Variants in KDM6A observed in about 807,000 individuals in gnomAD.
KDM6A encodes the protein lysine-specific demethylase 6A.
Under a neutral mutation model 117.6 loss-of-function variants are expected in KDM6A, and 11 were observed. That is an observed-to-expected ratio of 0.09 (90% CI 0.06 to 0.15). KDM6A has a LOEUF of 0.15. Among genes scored for constraint, KDM6A ranks in the 10% least tolerant of loss-of-function variants. KDM6A has a pLI of 1.00. For missense variants in KDM6A, 799 were observed against 1,077.3 expected (o/e 0.74, Z 3.62); for synonymous variants, 384 against 396.1 (o/e 0.97, Z 0.36).
intron 2 of KDM6A, among the ~76,000 whole-genome samples, chrX:44,907,543 C>T (rs1234059631): frequency 5.8e-5 from 6 of 103,034 alleles, no homozygotes; most frequent in Non-Finnish European, 1.2e-4. Flanking sequence ...TGCAGTGGCG[C>T]GATCCTGGCT....
chrX:44,997,223 T>C (rs1336627750), intron 4 of KDM6A, among the ~76,000 whole-genome samples: 1 of 112,517 alleles, frequency 8.9e-6, no homozygotes, highest in Non-Finnish European at 1.9e-5. Flanking sequence ...CTTGGTGTAC[T>C]GGAAGAATCG....
Position 45,083,605 on chromosome X carries a change from C to A in KDM6A, c.3586C>A (p.Pro1196Thr), listed in dbSNP as rs756365391. 2 of 1,204,018 alleles carry A rather than the reference C, an allele frequency of 1.7e-6. No homozygotes were observed. The highest frequency in any genetic ancestry group is 2.2e-6 in the Non-Finnish European group (2 of 888,978). Residue 1196 changes from proline (P) to threonine (T), a missense_variant, in exon 24 of 30, where the codon CCA becomes ACA. Around this residue, in one of 8 missense-constraint regions of KDM6A, gnomAD observed 291 missense variants for 437.9 expected, o/e 0.66. Coordinates refer to ENST00000611820, the MANE Select transcript of KDM6A (RefSeq NM_001291415.2). The stretch of plus-strand genomic sequence containing the variant: ...CATGAAAGTTCCAGGGAGCAGAACA[C>A]CAGGTAATTTGTATGAACTAACATA... ...LYMKVPGSRT[P>T]GHQENNNFCS...
chrX:45,007,555 C>T (rs1372379109), intron 4 of KDM6A, among the ~76,000 whole-genome samples: 1 of 111,686 alleles, frequency 9.0e-6, no homozygotes, highest in Non-Finnish European at 1.9e-5. Context: ...ATATTTTTAT[C>T]TTTTAATTCT....
intron 4 of KDM6A, among the ~76,000 whole-genome samples, chrX:45,007,893 C>T (rs2041578016): frequency 8.9e-6 from 1 of 112,007 alleles, no homozygotes; most frequent in Non-Finnish European, 1.9e-5. Context: ...AGCCCTCTAC[C>T]ACCACATAAG....
chrX:45,085,926 A>G lies in KDM6A; in HGVS notation c.3651A>G (p.Glu1217=). Residue 1217 remains glutamate (E), a synonymous_variant, in exon 25 of 30, where the codon GAA becomes GAG. Transcript: ENST00000611820. ...TAAATATTGGCCCAGGTGACTGTGAATGGTTTGTTGTTCCTGAAGGTTACT... is the reference window on the plus strand; with the variant it reads ...TAAATATTGGCCCAGGTGACTGTGAGTGGTTTGTTGTTCCTGAAGGTTACT... ...VNINIGPGDC[E]WFVVPEGYWG... 8.3e-7 allele frequency: 1 copy of G among 1,205,321 alleles called. No individual in the cohort carries two copies. The highest frequency in any genetic ancestry group is 1.1e-6 in the Non-Finnish European group (1 of 889,815).
At chrX:44,929,389 A>G (rs954423091) in intron 2 of KDM6A, among the ~76,000 whole-genome samples, 2 of 111,084 alleles carry the variant, frequency 1.8e-5, no homozygotes, top group Non-Finnish European at 3.8e-5. Context: ...TGCATTTTCT[A>G]AAGTTTTATT....
At chrX:45,107,747 A>G (rs2046583720) in intron 28 of KDM6A, among the ~76,000 whole-genome samples, 2 of 112,293 alleles carry the variant, frequency 1.8e-5, no homozygotes, top group South Asian at 7.2e-4. Context: ...AAAAGTATCT[A>G]CTGCAGAGTC....
chrX:44,945,171 A>G (rs1446807457), intron 2 of KDM6A, among the ~76,000 whole-genome samples: 2 of 111,638 alleles, frequency 1.8e-5, no homozygotes, highest in African/African-American at 3.3e-5. Flanking sequence ...CCTCCCATTT[A>G]TTAACTATAA....
intron 2 of KDM6A, among the ~76,000 whole-genome samples, chrX:44,906,406 C>T (rs1164198701): frequency 1.8e-5 from 2 of 110,177 alleles, no homozygotes; most frequent in African/African-American, 6.6e-5. Context: ...CCACCTCAGC[C>T]TCCCAAATTG....
chrX:44,944,418 T>C (rs2037513175), intron 2 of KDM6A, among the ~76,000 whole-genome samples: 1 of 111,693 alleles, frequency 9.0e-6, no homozygotes, highest in Non-Finnish European at 1.9e-5. Context: ...TATTTGCCTT[T>C]CCATATACAT....
intron 17 of KDM6A, 148 bp from the exon 18 acceptor site, chrX:45,069,431 G>A: frequency 1.9e-6 from 1 of 523,364 alleles, no homozygotes; most frequent in Non-Finnish European, 3.0e-6. Flanking sequence ...CTAAGTTGCA[G>A]GTACTTTTTG....
chrX:45,088,678 C>G (rs1365994579), intron 25 of KDM6A, among the ~76,000 whole-genome samples: 1 of 113,387 alleles, frequency 8.8e-6, no homozygotes, highest in African/African-American at 3.2e-5. Flanking sequence ...AACATTTTTA[C>G]TGTGTAAGTT....
intron 12 of KDM6A, 91 bp from the exon 13 acceptor site, chrX:45,059,931 C>A: frequency 6.2e-6 from 7 of 1,136,337 alleles, no homozygotes; most frequent in Non-Finnish European, 8.3e-6. Flanking sequence ...CTTTTAAAAA[C>A]AATTAGCTAT....
intron 2 of KDM6A, among the ~76,000 whole-genome samples, chrX:44,905,334 T>C (rs138466190): frequency 0.048 from 5,400 of 112,121 alleles, 333 homozygotes; most frequent in African/African-American, 0.17. Context: ...TGTTTAGATA[T>C]GTTTAGACAC....
intron 4 of KDM6A, among the ~76,000 whole-genome samples, chrX:44,981,782 C>G (rs772031366): frequency 1.8e-5 from 2 of 111,683 alleles, no homozygotes; most frequent in Non-Finnish European, 3.8e-5. Context: ...ATCTCGTTAG[C>G]ATAAAAGAGA....
At chrX:45,069,263 A>G (rs750087486) in intron 17 of KDM6A, among the ~76,000 whole-genome samples, 1 of 111,938 alleles carries the variant, frequency 8.9e-6, no homozygotes, top group East Asian at 2.8e-4. Flanking sequence ...TAATGATGAT[A>G]TATGTCTATC....
At chrX:45,078,590 TTTTTTTC>T (rs1253513186) in intron 20 of KDM6A, 85 bp downstream of exon 20, 58 of 766,003 alleles carry the variant, frequency 7.6e-5, no homozygotes, top group Non-Finnish European at 9.7e-5. Flanking sequence ...ATACTTTTCT[TTTTTTTC>T]TTTTTTCTTT....
intron 3 of KDM6A, among the ~76,000 whole-genome samples, chrX:44,969,069 T>G (rs959140997): frequency 1.8e-5 from 2 of 110,843 alleles, no homozygotes; most frequent in Admixed American, 1.9e-4. Flanking sequence ...GGATAGACAG[T>G]AAGAACTTCA....
At chrX:45,007,871 TTCTATAAATGAAGCCC>T (rs1463112952) in intron 4 of KDM6A, among the ~76,000 whole-genome samples, 1 of 112,358 alleles carries the variant, frequency 8.9e-6, no homozygotes, top group Non-Finnish European at 1.9e-5. Flanking sequence ...AGTTTCTTCA[TTCTATAAATGAAGCCC>T]TCTACCACCA....
Sources: allele counts gnomAD v4.1 joint callset (sites outside exome capture counted in the v4.1 genomes callset), GRCh38; gene constraint gnomAD v4.1.1; regional missense constraint gnomAD v4.1.1; transcripts MANE v1.5; gene names NCBI Gene and HGNC (gene_info 2026-07-23, HGNC 2026-07-21).